The following HENMT1 variants were observed in gnomAD, a reference collection of about 807,000 sequenced individuals.
The protein encoded by HENMT1 is HEN methyltransferase 1.
In HENMT1, 27 loss-of-function variants were observed where a neutral mutation model predicts 31.1. The ratio of observed to expected loss-of-function variants is 0.87; its 90% confidence interval spans 0.64 to 1.20. HENMT1 has a LOEUF of 1.20. Among genes scored for constraint, HENMT1 ranks in the 50% most tolerant of loss-of-function variants. The probability of loss-of-function intolerance (pLI) is 0.00; values close to 1 mark genes in which losing one functional copy is unlikely to be tolerated. For synonymous variants in HENMT1, 167 were observed against 172.2 expected (o/e 0.97, Z 0.24); for missense variants, 438 against 469.6 (o/e 0.93, Z 0.62).
intron 2 of HENMT1, 81 bp from the exon 3 acceptor site, chr1:108,657,660 CTT>C (rs1229956231): frequency 2.5e-6 from 3 of 1,204,040 alleles, no homozygotes; most frequent in African/African-American, 3.1e-5. Flanking sequence ...AAAAAAAAAA[CTT>C]TATTTCCCCC....
At position 108,654,823 on chromosome 1, in the gene HENMT1, A is replaced by C; in HGVS notation, c.291T>G (p.Asp97Glu). 2 of 1,614,118 alleles carry C rather than the reference A, an allele frequency of 1.2e-6. No individual in the cohort carries two copies. The highest frequency in any genetic ancestry group is 1.7e-6 in the Non-Finnish European group (2 of 1,179,988). The change falls in exon 5 of 8, where the codon GAT (aspartate) becomes GAG (glutamate). Residue 97 changes from aspartate (D) to glutamate (E), a missense_variant. By Grantham distance (45) the Asp-to-Glu change is conservative. Transcript: ENST00000651461. ...AATTCAGATCCCGAGGTTTCAGAAA[A>C]TCCCCCAGGAAAGGAGCTAACGAAT... ...RGDSLAPFLG[D>E]FLKPRDLNLT...
rs371678739 is a variant in HENMT1 at position 108,658,143 on chromosome 1, T to TC, written c.22-565dup. Among the ~76,000 whole-genome samples, 369 of 148,124 alleles carry TC rather than the reference T, an allele frequency of 2.5e-3. 2 individuals are homozygous for TC. The highest frequency in any genetic ancestry group is 0.01 in the Middle Eastern group (3 of 288). ...CATATATATATATATATTTTTTTTT[T>TC]CCCCCCAAGACGGAGTCTTGCTCTG... is the stretch of plus-strand genomic sequence containing the variant. On this transcript the variant is annotated intron_variant, in intron 2 of 7. Coordinates refer to ENST00000651461, the MANE Select transcript of HENMT1 (RefSeq NM_001102592.2).
chr1:108,651,161 T>TACC lies in HENMT1; in HGVS notation c.444_446dup (p.Val149dup). 6.2e-7 allele frequency: 1 copy of TACC among 1,614,098 alleles called. No individual in the cohort carries two copies. The highest frequency in any genetic ancestry group is 8.5e-7 in the Non-Finnish European group (1 of 1,179,962). On this transcript the variant is annotated inframe_insertion, in exon 6 of 8. Coordinates refer to ENST00000651461, the MANE Select transcript of HENMT1 (RefSeq NM_001102592.2). ...TCATGGATGGAGACAGGTACCCAAA[T>TACC]ACCACTTCAGGAAATCTGGCCAGAT...
At chr1:108,649,950 A>G (rs1440237855) in intron 7 of HENMT1, 3 of 540,388 alleles carry the variant, frequency 5.6e-6, no homozygotes, top group Non-Finnish European at 1.0e-5. Context: ...CACTGTACCC[A>G]GCTACTTTGA....
At chr1:108,657,715 C>T in intron 2 of HENMT1, 136 bp from the exon 3 acceptor site, 1 of 762,474 alleles carries the variant, frequency 1.3e-6, no homozygotes, top group Non-Finnish European at 2.1e-6. Flanking sequence ...ACCCTTTGTC[C>T]TAAAATCATT....
In HENMT1 at chr1:108,661,051, G is replaced by T; in HGVS notation, c.-167C>A. On this transcript the variant is annotated 5_prime_UTR_variant, in exon 1 of 8. Coordinates refer to ENST00000651461, the MANE Select transcript of HENMT1 (RefSeq NM_001102592.2). The stretch of plus-strand genomic sequence containing the variant: ...CCCAACCGAAAAAACAAAGCTCGTC[G>T]CGGAGCCGCCAGCGTCCTCAACTCA... 2 of 974,476 alleles carry T rather than the reference G, an allele frequency of 2.1e-6. No individual in the cohort carries two copies. The highest frequency in any genetic ancestry group is 4.8e-5 in the South Asian group (1 of 21,020). 60.4% of individuals were successfully genotyped at this position (974,476 alleles called of 1,614,324 possible). A position where few individuals can be genotyped will look rare whatever the true frequency, so the allele number is the denominator to read the frequency against.
At position 108,655,601 on chromosome 1, in the gene HENMT1, T is replaced by C. The variant is rs763068970; in HGVS notation, c.248A>G (p.Lys83Arg). The C allele has an allele frequency of 1.9e-6, 3 of 1,598,698 alleles. No individual in the cohort carries two copies. The South Asian group carries it at 3.3e-5, about 18-fold the overall frequency. The change falls in exon 4 of 8, where the codon AAA becomes AGA. Residue 83 changes from lysine to arginine, a missense_variant. Coordinates refer to ENST00000651461, the MANE Select transcript of HENMT1 (RefSeq NM_001102592.2). ...LLVGVDINED[K>R]LRWRGDSLAP... ...TAAGTATTACCCTCTCCATCGTAATTTATCCTCATTAATATCTACTCCAAC... is the reference window on the plus strand; with the variant it reads ...TAAGTATTACCCTCTCCATCGTAATCTATCCTCATTAATATCTACTCCAAC...
chr1:108,653,819 GA>G (rs996751428), intron 5 of HENMT1, among the ~76,000 whole-genome samples: 2 of 152,140 alleles, frequency 1.3e-5, no homozygotes, highest in African/African-American at 4.8e-5. Flanking sequence ...ATCCCTTGAT[GA>G]ATACTTTGCA....
rs760444027 is a variant in HENMT1 at position 108,651,204 on chromosome 1, T to C, written c.404A>G (p.Glu135Gly). ...FDLITCIELI[E>G]HLDSGDLARF... ...GGCCAGATCACCTGAATCCAAATGT[T>C]CTATTCTAAAATGGTTAATGAGAAA... The change falls in exon 6 of 8, where the codon GAA (glutamate) becomes GGA (glycine). Residue 135 changes from glutamate to glycine, a missense_variant. Coordinates refer to ENST00000651461, the MANE Select transcript of HENMT1 (RefSeq NM_001102592.2). 1.9e-6 allele frequency: 3 copies of C among 1,612,428 alleles called. No homozygotes were observed. The highest frequency in any genetic ancestry group is 2.5e-6 in the Non-Finnish European group (3 of 1,179,300).
intron 3 of HENMT1, among the ~76,000 whole-genome samples, chr1:108,656,947 C>T (rs1351386779): frequency 6.6e-6 from 1 of 152,132 alleles, no homozygotes; most frequent in African/African-American, 2.4e-5. Flanking sequence ...GTGTTTCTGG[C>T]ATCTGCTAAA....
At position 108,651,016 on chromosome 1, in the gene HENMT1, C is replaced by G. The variant is rs1359767588; in HGVS notation, c.578+14G>C. 1 of 1,585,328 alleles carries G rather than the reference C, an allele frequency of 6.3e-7. No homozygotes were observed. Among genetic ancestry groups the G allele is most frequent in the Non-Finnish European group, 8.6e-7 (1 of 1,160,822 alleles). ...AACAGGATCCCAAATAAACAAAAACCCTTCTGAACTTACCAGGTCTGAAAC... is the reference window on the plus strand; with the variant it reads ...AACAGGATCCCAAATAAACAAAAACGCTTCTGAACTTACCAGGTCTGAAAC... On this transcript the variant is annotated intron_variant, in intron 6 of 7. Coordinates refer to ENST00000651461, the MANE Select transcript of HENMT1 (RefSeq NM_001102592.2).
chr1:108,658,859 A>C (rs1157717003), intron 2 of HENMT1, among the ~76,000 whole-genome samples: 1 of 152,240 alleles, frequency 6.6e-6, no homozygotes, highest in African/African-American at 2.4e-5. Flanking sequence ...AATCTGTAAT[A>C]GCTGTTACTA....
chr1:108,649,271 G>T (rs1324217185), intron 7 of HENMT1: 1 of 550,204 alleles, frequency 1.8e-6, no homozygotes. Context: ...TATTACAGGG[G>T]CAAGGGCAAA....
intron 5 of HENMT1, among the ~76,000 whole-genome samples, chr1:108,651,630 CA>C (rs1258274613): frequency 1.4e-5 from 2 of 146,692 alleles, no homozygotes; most frequent in Admixed American, 7.0e-5. Flanking sequence ...GGGTGACAAG[CA>C]AAACTCAGTC....
intron 5 of HENMT1, among the ~76,000 whole-genome samples, chr1:108,653,307 T>C (rs1299979454): frequency 6.6e-6 from 1 of 152,164 alleles, no homozygotes; most frequent in Non-Finnish European, 1.5e-5. Context: ...TGAGCCACCA[T>C]GCCCAGCCTA....
rs755603927 is a variant in HENMT1 at position 108,650,346 on chromosome 1, A to G, written c.621T>C (p.Phe207=). 5 of 1,614,062 alleles carry G rather than the reference A, an allele frequency of 3.1e-6. No homozygotes were observed. The highest frequency in any genetic ancestry group is 2.7e-5 in the African/African-American group (2 of 74,930). The change falls in exon 7 of 8, where the codon TTT becomes TTC. Residue 207 remains phenylalanine, a synonymous_variant. Coordinates refer to ENST00000651461, the MANE Select transcript of HENMT1 (RefSeq NM_001102592.2). ...VANRYDYSVE[F]TGVGEPPAGA... is the part of the protein sequence containing the mutation. ...CAGCTGGTGGTTCCCCGACACCAGT[A>G]AACTCCACAGAGTAATCATAGCGAT...
At position 108,661,008 on chromosome 1, in the gene HENMT1, C is replaced by T; in HGVS notation, c.-124G>A. Reference sequence around the variant, plus strand: ...TTGTACGGGCCGTCGCTTCCATCATCCTGCGGTAAGCAGCATGCCCAACCG... The same window carrying T: ...TTGTACGGGCCGTCGCTTCCATCATTCTGCGGTAAGCAGCATGCCCAACCG... On this transcript the variant is annotated 5_prime_UTR_variant, in exon 1 of 8. Coordinates refer to ENST00000651461, the MANE Select transcript of HENMT1 (RefSeq NM_001102592.2). 1 of 985,260 alleles carries T rather than the reference C, an allele frequency of 1.0e-6. No individual in the cohort carries two copies. The highest frequency in any genetic ancestry group is 4.7e-5 in the South Asian group (1 of 21,284). 61.0% of individuals were successfully genotyped at this position (985,260 alleles called of 1,614,324 possible). A position where few individuals can be genotyped will look rare whatever the true frequency, so the allele number is the denominator to read the frequency against.
At chr1:108,658,656 T>C (rs1658343483) in intron 2 of HENMT1, among the ~76,000 whole-genome samples, 1 of 152,224 alleles carries the variant, frequency 6.6e-6, no homozygotes, top group African/African-American at 2.4e-5. Context: ...ATCCTATCTT[T>C]GGGCTGCCTA....
intron 6 of HENMT1, 98 bp from the exon 7 acceptor site, chr1:108,650,486 A>T: frequency 9.4e-7 from 1 of 1,060,812 alleles, no homozygotes; most frequent in Admixed American, 2.5e-5. Context: ...AACATGAAAA[A>T]TACAATGAAC....
Sources: allele counts gnomAD v4.1 joint callset (sites outside exome capture counted in the v4.1 genomes callset), GRCh38; gene constraint gnomAD v4.1.1; transcripts MANE v1.5; gene names NCBI Gene and HGNC (gene_info 2026-07-23, HGNC 2026-07-21).